The following TRDN variants were observed in gnomAD, a reference collection of about 807,000 sequenced individuals.
TRDN encodes the protein triadin in skeletal muscle.
Under a neutral mutation model 149.7 loss-of-function variants are expected in TRDN, and 161 were observed. The observed-to-expected ratio is 1.08, with a 90% CI of 0.95 to 1.23. The LOEUF is 1.23. Ranked by LOEUF, TRDN falls within the 50% of genes most tolerant of loss-of-function variation. TRDN has a pLI of 0.00. For missense variants in TRDN, 896 were observed against 823.5 expected, an observed-to-expected ratio of 1.09 and a Z score of -1.08; for synonymous variants, 294 against 250.5, an observed-to-expected ratio of 1.17 and a Z score of -1.64.
At chr6:123,264,554 C>G (rs1002581651) in intron 33 of TRDN, among the ~76,000 whole-genome samples, 5 of 151,982 alleles carry the variant, frequency 3.3e-5, no homozygotes, top group African/African-American at 7.2e-5. Context: ...TAGAACATTC[C>G]ATAAACTTAG....
chr6:123,224,730 T>G (rs1775293684), intron 38 of TRDN, among the ~76,000 whole-genome samples: 1 of 151,746 alleles, frequency 6.6e-6, no homozygotes, highest in South Asian at 2.1e-4. Context: ...AAGTGGACCT[T>G]TATCTTCCAC....
At chr6:123,392,518 C>T (rs906565742) in intron 13 of TRDN, among the ~76,000 whole-genome samples, 2 of 151,930 alleles carry the variant, frequency 1.3e-5, no homozygotes, top group African/African-American at 4.8e-5. Flanking sequence ...AGGAACTCAC[C>T]CTGACCTGCA....
chr6:123,384,958 G>A (rs1781852181), intron 14 of TRDN, among the ~76,000 whole-genome samples: 3 of 152,060 alleles, frequency 2.0e-5, no homozygotes, highest in Non-Finnish European at 4.4e-5. Flanking sequence ...AGGCTTACTT[G>A]GTCAATATAC....
At chr6:123,371,878 T>G (rs1781340218) in intron 19 of TRDN, among the ~76,000 whole-genome samples, 1 of 152,110 alleles carries the variant, frequency 6.6e-6, no homozygotes, top group South Asian at 2.1e-4. Flanking sequence ...GCTGTATGAG[T>G]GCTGTTTTGA....
chr6:123,321,956 T>C (rs887597841), intron 23 of TRDN, among the ~76,000 whole-genome samples: 3 of 152,158 alleles, frequency 2.0e-5, no homozygotes, highest in African/African-American at 7.2e-5. Context: ...TAACTTTGGG[T>C]GAGGTCACAC....
chr6:123,257,877 T>C (rs1776620300), intron 35 of TRDN, among the ~76,000 whole-genome samples: 1 of 152,166 alleles, frequency 6.6e-6, no homozygotes, highest in Non-Finnish European at 1.5e-5. Context: ...TTCCTAGGTA[T>C]TTTATTATCT....
intron 38 of TRDN, among the ~76,000 whole-genome samples, chr6:123,250,089 G>T (rs1319090678): frequency 6.6e-6 from 1 of 151,962 alleles, no homozygotes; most frequent in African/African-American, 2.4e-5. Flanking sequence ...GAAGGTAATT[G>T]CATTTATAAC....
In TRDN at chr6:123,544,246, TACACACACAC is replaced by T. The variant is rs71021453; in HGVS notation, c.424+3084_424+3093del. Among the ~76,000 whole-genome samples the T allele has an allele frequency of 9.9e-3, 1,426 of 144,314 alleles. 21 individuals are homozygous for T. Among genetic ancestry groups the T allele is most frequent in the African/African-American group, 0.029 (1,138 of 39,452 alleles). The allele number at this position is 144,314 out of a possible 152,430, so 94.7% of individuals were successfully genotyped here. A position where few individuals can be genotyped will look rare whatever the true frequency, so the allele number is the denominator to read the frequency against. On this transcript the variant is annotated intron_variant, in intron 4 of 40. Transcript: ENST00000334268. Reference sequence around the variant, plus strand: ...GAGAAGCCTTATGCACATCTGTACATACACACACACACACACACACACACACACACACACA... The same window carrying T: ...GAGAAGCCTTATGCACATCTGTACATACACACACACACACACACACACACA...
At chr6:123,331,726 G>A (rs1380475148) in intron 23 of TRDN, among the ~76,000 whole-genome samples, 153 bp downstream of exon 23, 6 of 152,012 alleles carry the variant, frequency 3.9e-5, no homozygotes, top group South Asian at 2.1e-4. Context: ...AGAATTTAAT[G>A]ATGGAATATA....
At chr6:123,481,707 T>C (rs904394920) in intron 9 of TRDN, among the ~76,000 whole-genome samples, 2 of 152,152 alleles carry the variant, frequency 1.3e-5, no homozygotes, top group African/African-American at 2.4e-5. Context: ...GTTGTCATCG[T>C]GATCATCTCT....
intron 8 of TRDN, chr6:123,502,430 A>G (rs1352998862): frequency 1.6e-6 from 1 of 614,592 alleles, no homozygotes; most frequent in African/African-American, 2.0e-5. Flanking sequence ...ATAATAAATT[A>G]AAATTATCTA....
At chr6:123,417,376 G>A (rs1773700943) in intron 12 of TRDN, among the ~76,000 whole-genome samples, 2 of 152,118 alleles carry the variant, frequency 1.3e-5, no homozygotes, top group Admixed American at 1.3e-4. Flanking sequence ...AGCTAACTGA[G>A]ATAGGAATGG....
At chr6:123,238,342 T>C (rs888745636) in intron 38 of TRDN, among the ~76,000 whole-genome samples, 4 of 152,220 alleles carry the variant, frequency 2.6e-5, no homozygotes, top group African/African-American at 7.2e-5. Context: ...GGAATTTAGA[T>C]GTTTTCATAT....
chr6:123,518,395 G>A (rs990551631), intron 5 of TRDN, among the ~76,000 whole-genome samples: 1 of 152,062 alleles, frequency 6.6e-6, no homozygotes, highest in African/African-American at 2.4e-5. Context: ...AAAACAAAGC[G>A]TCTTTTAAAG....
intron 1 of TRDN, among the ~76,000 whole-genome samples, chr6:123,578,248 G>C (rs1782950875): frequency 6.6e-6 from 1 of 152,086 alleles, no homozygotes; most frequent in Non-Finnish European, 1.5e-5. Flanking sequence ...TTGTTTTCCA[G>C]ATTTTTTGTA....
intron 23 of TRDN, among the ~76,000 whole-genome samples, chr6:123,325,822 C>G (rs1779430034): frequency 6.6e-6 from 1 of 152,070 alleles, no homozygotes; most frequent in East Asian, 1.9e-4. Flanking sequence ...GTCTCTGAGA[C>G]CAACTGTCTT....
intron 12 of TRDN, among the ~76,000 whole-genome samples, chr6:123,430,418 T>TA (rs1208354138): frequency 6.8e-6 from 1 of 146,598 alleles, no homozygotes; most frequent in East Asian, 2.1e-4. Flanking sequence ...CCGTCTCTAC[T>TA]AAAACTACAA....
At chr6:123,256,218 C>A (rs1776555880) in intron 35 of TRDN, among the ~76,000 whole-genome samples, 1 of 152,142 alleles carries the variant, frequency 6.6e-6, no homozygotes, top group South Asian at 2.1e-4. Flanking sequence ...TGTTAGTTTG[C>A]TGAGACGATG....
chr6:123,368,284 C>T (rs759327968), intron 19 of TRDN, among the ~76,000 whole-genome samples: 1 of 152,222 alleles, frequency 6.6e-6, no homozygotes, highest in Admixed American at 6.5e-5. Flanking sequence ...GCACCACTCT[C>T]TACTCCTCTT....
Sources: allele counts gnomAD v4.1 joint callset (sites outside exome capture counted in the v4.1 genomes callset), GRCh38; gene constraint gnomAD v4.1.1; transcripts MANE v1.5; gene names NCBI Gene and HGNC (gene_info 2026-07-23, HGNC 2026-07-21).